The following AP4E1 variants were observed in gnomAD, a reference collection of about 807,000 sequenced individuals.
AP4E1 encodes adaptor related protein complex 4 subunit epsilon 1, also known as AP-4 complex subunit epsilon-1.
In AP4E1, 56 loss-of-function variants were observed where a neutral mutation model predicts 128.2. The observed-to-expected ratio is 0.44, with a 90% CI of 0.35 to 0.55. The LOEUF (loss-of-function observed/expected upper bound fraction) is 0.55. AP4E1 is among the 20% of genes least tolerant of loss of function. AP4E1 has a pLI of 0.00. For missense variants in AP4E1, 1,324 were observed against 1,307.7 expected (o/e 1.01, Z -0.19); for synonymous variants, 484 against 473.1 (o/e 1.02, Z -0.30).
At chr15:50,990,337 T>TA (rs1451522452) in intron 16 of AP4E1, among the ~76,000 whole-genome samples, 38 of 139,920 alleles carry the variant, frequency 2.7e-4, no homozygotes, top group Non-Finnish European at 4.7e-4. Flanking sequence ...TTTTATTATT[T>TA]ATTTAATTTA....
At chr15:50,925,264 A>T in intron 5 of AP4E1, 45 bp downstream of exon 5, 1 of 1,590,656 alleles carries the variant, frequency 6.3e-7, no homozygotes, top group Non-Finnish European at 8.6e-7. Context: ...ATATATTTCA[A>T]AACAGAAGTT....
chr15:50,942,673 A>G (rs1443591995), intron 10 of AP4E1, among the ~76,000 whole-genome samples: 1 of 148,168 alleles, frequency 6.7e-6, no homozygotes. Flanking sequence ...ATTACATTTT[A>G]ATATATATAA....
intron 16 of AP4E1, among the ~76,000 whole-genome samples, chr15:50,986,824 A>G (rs1567257997): frequency 1.3e-5 from 2 of 152,316 alleles, no homozygotes; most frequent in Non-Finnish European, 1.5e-5. Flanking sequence ...TGGCCTCATA[A>G]AATGAGTTAG....
chr15:50,928,840 A>G (rs1340912626), intron 5 of AP4E1, among the ~76,000 whole-genome samples, 169 bp from the exon 6 acceptor site: 1 of 151,912 alleles, frequency 6.6e-6, no homozygotes, highest in Non-Finnish European at 1.5e-5. Context: ...ACCACTTTTT[A>G]TAATTTGGTA....
Position 50,977,706 on chromosome 15 carries a change from G to GTT in AP4E1, c.1967-6297_1967-6296dup, listed in dbSNP as rs1401774266. On this transcript the variant is annotated intron_variant, in intron 15 of 20. Coordinates refer to ENST00000261842, the MANE Select transcript of AP4E1 (RefSeq NM_007347.5). ...ATCTTTTAATTATCAATCTGTTATG[G>GTT]TTTTTTTTTTTTTTTTTTTTAGACA... 5.6e-3 allele frequency among the ~76,000 whole-genome samples: 451 copies of GTT among 80,270 alleles called. 15 individuals carry two copies. The highest frequency in any genetic ancestry group is 0.018 in the African/African-American group (392 of 21,478). 52.7% of individuals were successfully genotyped at this position (80,270 alleles called of 152,430 possible).
At chr15:50,932,026 C>T (rs948652425) in intron 7 of AP4E1, among the ~76,000 whole-genome samples, 6 of 151,930 alleles carry the variant, frequency 3.9e-5, no homozygotes, top group Admixed American at 6.6e-5. Flanking sequence ...GTTGCCCAGG[C>T]TGGAGTGTAG....
At chr15:50,908,279 G>A (rs535083708), upstream of AP4E1, among the ~76,000 whole-genome samples, 8 of 151,904 alleles carry the variant, frequency 5.3e-5, no homozygotes, top group East Asian at 1.9e-4. Context: ...CCGGGGACCC[G>A]CGTGAAACCG....
intron 7 of AP4E1, among the ~76,000 whole-genome samples, chr15:50,931,360 G>A (rs1012669679): frequency 9.2e-5 from 14 of 152,134 alleles, no homozygotes; most frequent in Admixed American, 6.5e-4. Flanking sequence ...AAGGTCAGGA[G>A]TTTGAGACCA....
At chr15:50,959,075 G>A (rs1011012921) in intron 14 of AP4E1, among the ~76,000 whole-genome samples, 3 of 152,076 alleles carry the variant, frequency 2.0e-5, no homozygotes, top group Non-Finnish European at 4.4e-5. Context: ...GCTGGGCATG[G>A]TGGTACATGC....
chr15:50,948,248 C>A, intron 11 of AP4E1, 89 bp downstream of exon 11: 1 of 1,491,026 alleles, frequency 6.7e-7, no homozygotes. Flanking sequence ...ACTTGCAAGT[C>A]GAGTTCAGAG....
At chr15:50,959,922 A>G (rs980618461) in intron 14 of AP4E1, among the ~76,000 whole-genome samples, 1 of 152,196 alleles carries the variant, frequency 6.6e-6, no homozygotes, top group Non-Finnish European at 1.5e-5. Flanking sequence ...CTGAAAGTGA[A>G]GGGATAAATA....
chr15:50,984,997 A>G (rs1481104408), intron 16 of AP4E1, among the ~76,000 whole-genome samples: 1 of 152,148 alleles, frequency 6.6e-6, no homozygotes, highest in Non-Finnish European at 1.5e-5. Context: ...AATGATCACC[A>G]TTCTAACTGG....
chr15:50,988,671 A>G (rs2064763358), intron 16 of AP4E1, among the ~76,000 whole-genome samples: 1 of 152,120 alleles, frequency 6.6e-6, no homozygotes, highest in Non-Finnish European at 1.5e-5. Flanking sequence ...ATATCCTATC[A>G]CATATTGCTA....
At chr15:50,926,875 CCA>C (rs1567215088) in intron 5 of AP4E1, among the ~76,000 whole-genome samples, 1 of 152,170 alleles carries the variant, frequency 6.6e-6, no homozygotes, top group Non-Finnish European at 1.5e-5. Context: ...CAGGCGTGAG[CCA>C]CCATGCCCGG....
intron 15 of AP4E1, among the ~76,000 whole-genome samples, chr15:50,983,492 A>C (rs886464300): frequency 3.9e-5 from 6 of 152,202 alleles, no homozygotes; most frequent in African/African-American, 1.4e-4. Flanking sequence ...CATCTGTCCT[A>C]CCACAGTAAC....
In AP4E1 at chr15:50,984,021, G is replaced by C; in HGVS notation, c.1967-1G>C. On this transcript the variant is annotated splice_acceptor_variant, in intron 15 of 20. Coordinates refer to ENST00000261842, the MANE Select transcript of AP4E1 (RefSeq NM_007347.5). LOFTEE classifies it high-confidence loss of function. ...CCTCTGTTATTATTTTAAAATTCTA[G>C]TTCTCAATTTTGAACCATATGGACT... is the stretch of plus-strand genomic sequence containing the variant. 6.2e-7 allele frequency: 1 copy of C among 1,612,384 alleles called. No homozygotes were observed. The highest frequency in any genetic ancestry group is 8.5e-7 in the Non-Finnish European group (1 of 1,178,900).
Position 50,949,067 on chromosome 15 carries a change from T to C in AP4E1, c.1317-759T>C, listed in dbSNP as rs186093947. Among the ~76,000 whole-genome samples the C allele has an allele frequency of 7.2e-5, 11 of 152,182 alleles. No homozygotes were observed. In the East Asian group the frequency reaches 2.1e-3, roughly 29 times the overall value. ...TGGAAATTGCTTAAGTGTAGTTTTG[T>C]CCTAGTCAGTGCTGTAGCTCTGGCC... is the stretch of plus-strand genomic sequence containing the variant. On this transcript the variant is annotated intron_variant, in intron 11 of 20. Transcript: ENST00000261842.
At position 51,004,653 on chromosome 15, in the gene AP4E1, T is replaced by G. The variant is rs987941186; in HGVS notation, c.*1991T>G. The G allele has an allele frequency of 2.0e-5, 3 of 152,648 alleles. No individual in the cohort carries two copies. Among genetic ancestry groups the G allele is most frequent in the African/African-American group, 7.2e-5 (3 of 41,450 alleles). The allele number at this position is 152,648 out of a possible 1,614,324, so 9.5% of individuals were successfully genotyped here. A position where few individuals can be genotyped will look rare whatever the true frequency, so the allele number is the denominator to read the frequency against. ...AGGAACATGGTGTCACTTTTGTTCT[T>G]TCTGACCCACTAAATAAAAAGTAGT... On this transcript the variant is annotated 3_prime_UTR_variant, in exon 21 of 21. Coordinates refer to ENST00000261842, the MANE Select transcript of AP4E1 (RefSeq NM_007347.5).
chr15:50,910,148 G>C (rs1596448775), intron 1 of AP4E1, among the ~76,000 whole-genome samples: 1 of 152,160 alleles, frequency 6.6e-6, no homozygotes, highest in African/African-American at 2.4e-5. Context: ...CACTACGCCC[G>C]GCTAATTTTT....
Sources: gnomAD v4.1 joint callset for allele counts (sites outside exome capture counted in the v4.1 genomes callset) on GRCh38, gnomAD v4.1.1 for gene constraint, MANE v1.5 for transcripts, NCBI Gene and HGNC (gene_info 2026-07-23, HGNC 2026-07-21) for gene names.